Variants in SSR3 observed in about 807,000 individuals in gnomAD.
The protein encoded by SSR3 is translocon-associated protein subunit gamma.
Under a neutral mutation model 22.1 loss-of-function variants are expected in SSR3, and 10 were observed. That is an observed-to-expected ratio of 0.45 (90% confidence interval 0.28 to 0.77). The LOEUF (loss-of-function observed/expected upper bound fraction) is 0.77. SSR3 is among the 30% of genes least tolerant of loss of function. SSR3 has a pLI of 0.13. For synonymous variants in SSR3, 104 were observed against 82.5 expected (o/e 1.26, Z -1.42); for missense variants, 181 against 220.5 (o/e 0.82, Z 1.13).
intron 2 of SSR3, among the ~76,000 whole-genome samples, chr3:156,549,997 T>G (rs1229400893): frequency 2.0e-5 from 3 of 152,198 alleles, no homozygotes; most frequent in South Asian, 2.1e-4. Flanking sequence ...CTATCTTTTT[T>G]CATATGCTTC....
At chr3:156,544,142 T>C (rs968895731) in intron 4 of SSR3, 166 bp downstream of exon 4, 2 of 474,904 alleles carry the variant, frequency 4.2e-6, no homozygotes, top group Non-Finnish European at 7.1e-6. Flanking sequence ...CTTAAACCAA[T>C]AGCTGTTATT....
chr3:156,541,130 T>C lies in SSR3; in HGVS notation c.*2073A>G, dbSNP rs531386821. 1 of 152,228 alleles carries C rather than the reference T, an allele frequency of 6.6e-6. No individual in the cohort carries two copies. Among genetic ancestry groups the C allele is most frequent in the Non-Finnish European group, 1.5e-5 (1 of 68,032 alleles). The allele number at this position is 152,228 out of a possible 1,614,324, so 9.4% of individuals were successfully genotyped here. On this transcript the variant is annotated 3_prime_UTR_variant, in exon 5 of 5. Coordinates refer to ENST00000265044, the MANE Select transcript of SSR3 (RefSeq NM_007107.5). ...CAGTTTATTAATTCAAGAGAAACTA[T>C]ATTAGGAATATTCGGCTGATACCCC...
At chr3:156,553,628 G>A (rs200568145) in intron 2 of SSR3, 27 bp downstream of exon 2, 60 of 1,605,668 alleles carry the variant, frequency 3.7e-5, no homozygotes, top group African/African-American at 9.4e-5. Flanking sequence ...CATGTAGTAC[G>A]TACTTTCACT....
Position 156,544,309 on chromosome 3 carries a change from C to A in SSR3, c.490G>T (p.Val164Leu). 1 of 1,584,118 alleles carries A rather than the reference C, an allele frequency of 6.3e-7. No homozygotes were observed. Among genetic ancestry groups the A allele is most frequent in the Non-Finnish European group, 8.6e-7 (1 of 1,166,436 alleles). ...FFILKNFNPTVNYILSISASS... is the reference protein window; with the variant it reads ...FFILKNFNPTLNYILSISASS... ...GATAATCAACCTTGAAAAGGATACA[C>A]TGTGGGGTTGAAGTTCTTCAATATG... The change falls in exon 4 of 5, where the codon GTG (valine) becomes TTG (leucine). Residue 164 changes from valine to leucine, a missense_variant and splice_region_variant. Transcript: ENST00000265044.
At chr3:156,554,890 C>T in intron 1 of SSR3, 67 bp downstream of exon 1, 1 of 1,557,594 alleles carries the variant, frequency 6.4e-7, no homozygotes, top group East Asian at 2.3e-5. Context: ...TCGCCGGGTC[C>T]TGCCACGTCC....
chr3:156,543,578 GAA>G (rs1174381816), intron 4 of SSR3, among the ~76,000 whole-genome samples: 3 of 152,274 alleles, frequency 2.0e-5, no homozygotes, highest in African/African-American at 7.2e-5. Context: ...AACATGGAGA[GAA>G]AAGAGATTTG....
chr3:156,540,698 C>A lies in SSR3; in HGVS notation c.*2505G>T, dbSNP rs1049855683. ...AAATAGGTAAATGAAAATGTTATAA[C>A]ACTTTAGTGCTATTTATGAGTATGA... On this transcript the variant is annotated 3_prime_UTR_variant, in exon 5 of 5. Coordinates refer to ENST00000265044, the MANE Select transcript of SSR3 (RefSeq NM_007107.5). The A allele has an allele frequency of 5.4e-5, 8 of 147,972 alleles. No homozygotes were observed. Among genetic ancestry groups the A allele is most frequent in the Non-Finnish European group, 1.2e-4 (8 of 67,102 alleles). 9.2% of individuals were successfully genotyped at this position (147,972 alleles called of 1,614,324 possible).
Position 156,542,873 on chromosome 3 carries a change from A to C in SSR3, c.*330T>G, listed in dbSNP as rs1483813083. 4.1e-6 allele frequency: 1 copy of C among 245,028 alleles called. No homozygotes were observed. The highest frequency in any genetic ancestry group is 7.8e-6 in the Non-Finnish European group (1 of 128,906). The allele number at this position is 245,028 out of a possible 1,614,324, so 15.2% of individuals were successfully genotyped here. ...TAACTTCCTACTACTATTATATAAT[A>C]AATAATAACAGCTCGGCCCAGGTTA... is the stretch of plus-strand genomic sequence containing the variant. On this transcript the variant is annotated 3_prime_UTR_variant, in exon 5 of 5. Coordinates refer to ENST00000265044, the MANE Select transcript of SSR3 (RefSeq NM_007107.5).
In SSR3 at chr3:156,552,175, G is replaced by A. The variant is rs1263820654; in HGVS notation, c.260+1480C>T. Among the ~76,000 whole-genome samples the A allele has an allele frequency of 1.2e-4, 18 of 151,864 alleles. No individual in the cohort carries two copies. In the East Asian group the frequency reaches 1.4e-3, roughly 11 times the overall value. ...AATTAGCCAGGCGTGGTAGTAGTGC[G>A]TGCCTGTAGTCCCAGCTATTTGGGA... On this transcript the variant is annotated intron_variant, in intron 2 of 4. Coordinates refer to ENST00000265044, the MANE Select transcript of SSR3 (RefSeq NM_007107.5).
intron 4 of SSR3, 38 bp downstream of exon 4, chr3:156,544,270 T>C: frequency 2.0e-6 from 3 of 1,478,042 alleles, no homozygotes; most frequent in Non-Finnish European, 2.7e-6. Flanking sequence ...TACTGTTTCT[T>C]GACTTCTAAA....
chr3:156,544,460 C>A, intron 3 of SSR3, 21 bp from the exon 4 acceptor site: 1 of 1,504,976 alleles, frequency 6.6e-7, no homozygotes, highest in South Asian at 1.4e-5. Flanking sequence ...AGAAACAAGT[C>A]AAACAAGCTT....
chr3:156,544,290 C>G lies in SSR3; in HGVS notation c.491+18G>C. On this transcript the variant is annotated intron_variant, in intron 4 of 4. Coordinates refer to ENST00000265044, the MANE Select transcript of SSR3 (RefSeq NM_007107.5). ...TTTCTTGACTTCTAAAAAAGATAAT[C>G]AACCTTGAAAAGGATACACTGTGGG... 6.7e-7 allele frequency: 1 copy of G among 1,499,164 alleles called. No individual in the cohort carries two copies. Among genetic ancestry groups the G allele is most frequent in the African/African-American group, 1.4e-5 (1 of 70,346 alleles). The allele number at this position is 1,499,164 out of a possible 1,614,324, so 92.9% of individuals were successfully genotyped here.
Position 156,542,584 on chromosome 3 carries a change from T to A in SSR3, c.*619A>T, listed in dbSNP as rs935787219. 4 of 151,946 alleles carry A rather than the reference T, an allele frequency of 2.6e-5. No homozygotes were observed. The highest frequency in any genetic ancestry group is 2.1e-4 in the South Asian group (1 of 4,824). 9.4% of individuals were successfully genotyped at this position (151,946 alleles called of 1,614,324 possible). ...CCTCGTAGGACAACTCTCATATGCC[T>A]GGGCACTATTTTTAGGTTACTACCT... is the stretch of plus-strand genomic sequence containing the variant. On this transcript the variant is annotated 3_prime_UTR_variant, in exon 5 of 5. Transcript: ENST00000265044.
chr3:156,549,888 G>A (rs1209438828), intron 2 of SSR3, among the ~76,000 whole-genome samples: 1 of 152,114 alleles, frequency 6.6e-6, no homozygotes, highest in Non-Finnish European at 1.5e-5. Flanking sequence ...GCTGCTAAGG[G>A]GGCAGAGAGC....
At chr3:156,553,910 G>A in intron 1 of SSR3, 129 bp from the exon 2 acceptor site, 1 of 847,408 alleles carries the variant, frequency 1.2e-6, no homozygotes, top group Non-Finnish European at 1.7e-6. Context: ...CAATCCAATA[G>A]TATCTGAGGA....
chr3:156,548,854 T>C (rs763375773), intron 3 of SSR3, 51 bp downstream of exon 3: 4 of 1,579,800 alleles, frequency 2.5e-6, no homozygotes, highest in Middle Eastern at 1.7e-4. Flanking sequence ...CAAAAAATTC[T>C]CTTCAAAGTA....
intron 1 of SSR3, 39 bp from the exon 2 acceptor site, chr3:156,553,820 C>T (rs763872614): frequency 6.4e-7 from 1 of 1,564,252 alleles, no homozygotes; most frequent in Non-Finnish European, 8.6e-7. Context: ...CAAAAAGAAG[C>T]AAAACATTAC....
intron 2 of SSR3, among the ~76,000 whole-genome samples, chr3:156,552,403 G>A (rs775370775): frequency 1.6e-4 from 24 of 151,880 alleles, no homozygotes; most frequent in African/African-American, 3.4e-4. Context: ...GATAAAACAA[G>A]GAAAATACCT....
intron 2 of SSR3, 46 bp from the exon 3 acceptor site, chr3:156,549,049 G>A (rs751303924): frequency 3.2e-6 from 5 of 1,568,458 alleles, no homozygotes; most frequent in Non-Finnish European, 8.6e-7. Context: ...TGCTACAGAG[G>A]TGAACATCAC....
Sources: allele counts gnomAD v4.1 joint callset (sites outside exome capture counted in the v4.1 genomes callset), GRCh38; gene constraint gnomAD v4.1.1; transcripts MANE v1.5; gene names NCBI Gene and HGNC (gene_info 2026-07-23, HGNC 2026-07-21).